Variants in STXBP6 observed in about 807,000 individuals in gnomAD.
STXBP6 encodes the protein syntaxin-binding protein 6.
Under a neutral mutation model 26.9 loss-of-function variants are expected in STXBP6, and 21 were observed. That is an observed-to-expected ratio of 0.78 (90% CI 0.55 to 1.12). The LOEUF is 1.12. Among genes scored for constraint, STXBP6 ranks in the 50% most tolerant of loss-of-function variants. The pLI, the probability that STXBP6 is intolerant of heterozygous loss-of-function variation, is 0.00. For synonymous variants in STXBP6, 97 were observed against 92.6 expected, an observed-to-expected ratio of 1.05 and a Z score of -0.27; for missense variants, 232 against 257.9, an observed-to-expected ratio of 0.90 and a Z score of 0.69.
At chr14:24,988,850 G>C (rs2074397507) in intron 1 of STXBP6, among the ~76,000 whole-genome samples, 1 of 152,182 alleles carries the variant, frequency 6.6e-6, no homozygotes, top group South Asian at 2.1e-4. Flanking sequence ...AGGTGTCTGA[G>C]GCAAAGAGGT....
At chr14:24,919,572 G>A (rs1354042384) in intron 2 of STXBP6, among the ~76,000 whole-genome samples, 2 of 148,830 alleles carry the variant, frequency 1.3e-5, no homozygotes, top group Admixed American at 6.7e-5. Flanking sequence ...CACTTAGTAC[G>A]TCAGATTAAA....
chr14:24,855,820 G>T, intron 4 of STXBP6, 116 bp downstream of exon 4: 1 of 935,968 alleles, frequency 1.1e-6, no homozygotes, highest in Non-Finnish European at 1.6e-6. Flanking sequence ...CTAGCTCTGA[G>T]CATATTGATT....
chr14:24,896,498 G>GA (rs1466926113), intron 2 of STXBP6, among the ~76,000 whole-genome samples: 1 of 152,182 alleles, frequency 6.6e-6, no homozygotes, highest in Non-Finnish European at 1.5e-5. Flanking sequence ...TTGAGAAAGA[G>GA]AGAGGAACCC....
intron 2 of STXBP6, among the ~76,000 whole-genome samples, chr14:24,858,336 A>G (rs854329): frequency 0.67 from 101,702 of 151,840 alleles, 34,569 homozygotes; most frequent in East Asian, 0.81. Flanking sequence ...AAAGGTGGCC[A>G]CTGTCCTTAG....
chr14:25,035,917 G>A (rs1427094415), intron 1 of STXBP6, among the ~76,000 whole-genome samples: 1 of 152,078 alleles, frequency 6.6e-6, no homozygotes, highest in Non-Finnish European at 1.5e-5. Flanking sequence ...ACTACTTTGA[G>A]CCAGAAAAAC....
In STXBP6 at chr14:24,983,609, T is replaced by C. The variant is rs576175814; in HGVS notation, c.-32-8759A>G. ...GTTTTCCCCTTAGAGGAGGGTATGA[T>C]TGATAACAGAAATTGCAGATTTAAA... On this transcript the variant is annotated intron_variant, in intron 1 of 5. Coordinates refer to ENST00000323944, the MANE Select transcript of STXBP6 (RefSeq NM_001394410.1). 9.2e-5 allele frequency among the ~76,000 whole-genome samples: 14 copies of C among 152,304 alleles called. No individual in the cohort carries two copies. In the South Asian group the frequency reaches 2.7e-3, roughly 29 times the overall value.
chr14:24,933,968 A>G (rs1271764726), intron 2 of STXBP6, among the ~76,000 whole-genome samples: 1 of 152,198 alleles, frequency 6.6e-6, no homozygotes, highest in African/African-American at 2.4e-5. Flanking sequence ...GTAACTATCC[A>G]ATTCCTAGAC....
intron 1 of STXBP6, among the ~76,000 whole-genome samples, chr14:25,044,170 CAAAAAAAAAAA>C (rs768658907): frequency 5.6e-5 from 3 of 53,328 alleles, no homozygotes; most frequent in South Asian, 9.7e-4. Flanking sequence ...GACTCTGCCT[CAAAAAAAAAAA>C]AAAAAAAAAA....
chr14:24,966,530 T>C (rs1056588444), intron 2 of STXBP6, among the ~76,000 whole-genome samples: 3 of 152,172 alleles, frequency 2.0e-5, no homozygotes, highest in Non-Finnish European at 2.9e-5. Flanking sequence ...ATCTGTAAAG[T>C]AGAAATAACA....
intron 2 of STXBP6, among the ~76,000 whole-genome samples, chr14:24,916,309 C>G (rs1324005166): frequency 1.3e-5 from 2 of 152,070 alleles, no homozygotes; most frequent in Non-Finnish European, 2.9e-5. Flanking sequence ...CTGGGGAAAT[C>G]TATAAATCAG....
intron 2 of STXBP6, among the ~76,000 whole-genome samples, chr14:24,882,979 T>C (rs1269512811): frequency 6.6e-6 from 1 of 152,228 alleles, no homozygotes; most frequent in South Asian, 2.1e-4. Context: ...ACATTGTTTA[T>C]AGTAATGAAA....
chr14:24,931,096 C>T (rs866408947), intron 2 of STXBP6, among the ~76,000 whole-genome samples: 10 of 108,546 alleles, frequency 9.2e-5, no homozygotes, highest in Middle Eastern at 0.014. Context: ...CCGGCCTGGG[C>T]GACAGAGCGA....
intron 4 of STXBP6, among the ~76,000 whole-genome samples, chr14:24,852,896 C>T (rs118017790): frequency 9.9e-5 from 15 of 152,242 alleles, no homozygotes; most frequent in Non-Finnish European, 1.9e-4. Flanking sequence ...TGGGCCTGCC[C>T]TGGCATCTTA....
intron 2 of STXBP6, among the ~76,000 whole-genome samples, chr14:24,899,801 C>CAA (rs56666133): frequency 6.4e-5 from 7 of 108,636 alleles, no homozygotes; most frequent in East Asian, 3.1e-4. Context: ...AAAAAAAAAG[C>CAA]AAAAAAAAAA....
chr14:24,844,927 T>G (rs1156476274), intron 4 of STXBP6, among the ~76,000 whole-genome samples: 2 of 152,144 alleles, frequency 1.3e-5, no homozygotes, highest in Admixed American at 1.3e-4. Context: ...TTATGATGAT[T>G]TTAGGAGGAG....
At chr14:24,886,871 T>G (rs2139485074) in intron 2 of STXBP6, among the ~76,000 whole-genome samples, 1 of 152,342 alleles carries the variant, frequency 6.6e-6, no homozygotes, top group Non-Finnish European at 1.5e-5. Context: ...AGTCAAGCAT[T>G]GTAGAATATC....
At chr14:24,972,237 T>C (rs191916589) in intron 2 of STXBP6, among the ~76,000 whole-genome samples, 11 of 139,386 alleles carry the variant, frequency 7.9e-5, no homozygotes, top group African/African-American at 2.0e-4. Flanking sequence ...AAAAAAGCAA[T>C]TGTCATAGTT....
chr14:24,980,245 A>G (rs138312132), intron 1 of STXBP6, among the ~76,000 whole-genome samples: 1 of 152,232 alleles, frequency 6.6e-6, no homozygotes, highest in Admixed American at 6.5e-5. Flanking sequence ...TTCTGATGTC[A>G]TATATTAAGA....
intron 4 of STXBP6, among the ~76,000 whole-genome samples, chr14:24,825,088 G>A (rs952459267): frequency 1.3e-5 from 2 of 152,194 alleles, no homozygotes; most frequent in African/African-American, 2.4e-5. Flanking sequence ...TCTTTAATGC[G>A]TTAATGTAAA....
Sources: allele counts gnomAD v4.1 joint callset (sites outside exome capture counted in the v4.1 genomes callset), GRCh38; gene constraint gnomAD v4.1.1; transcripts MANE v1.5; gene names NCBI Gene and HGNC (gene_info 2026-07-23, HGNC 2026-07-21).